FRMD6: variants seen among roughly 807,000 people sequenced by gnomAD.
FRMD6 encodes the protein FERM domain containing 6, also known as FERM domain-containing protein 6.
FRMD6 carries 37 observed loss-of-function variants against 73.2 expected under a neutral mutation model. That is an observed-to-expected ratio of 0.51 (90% confidence interval 0.39 to 0.66). FRMD6 has a LOEUF of 0.66. Ranked by LOEUF, FRMD6 falls within the 30% of genes least tolerant of loss-of-function variation. The pLI is 0.00. For synonymous variants in FRMD6, 273 were observed against 282.2 expected (o/e 0.97, Z 0.33); for missense variants, 714 against 780.5 (o/e 0.91, Z 1.02).
the FRMD6 span, among the ~76,000 whole-genome samples, chr14:51,472,366 C>G: frequency 3.9e-5 from 6 of 152,032 alleles, no homozygotes; most frequent in Non-Finnish European, 8.8e-5. Flanking sequence ...TGCAGTGGTG[C>G]GATCTCAGCT....
intron 2 of FRMD6, among the ~76,000 whole-genome samples, chr14:51,606,060 G>T (rs901534353): frequency 1.3e-5 from 2 of 152,146 alleles, no homozygotes; most frequent in Non-Finnish European, 2.9e-5. Context: ...TTCTCTCCAG[G>T]GTAAGGTAAG....
At chr14:51,403,002 G>T in the FRMD6 span, among the ~76,000 whole-genome samples, 4 of 152,130 alleles carry the variant, frequency 2.6e-5, no homozygotes, top group Non-Finnish European at 5.9e-5. Flanking sequence ...ACGCAGGAAG[G>T]TTCCCAGAAT....
chr14:51,576,952 G>A (rs898647401), intron 2 of FRMD6, among the ~76,000 whole-genome samples: 10 of 152,154 alleles, frequency 6.6e-5, no homozygotes, highest in Admixed American at 4.6e-4. Flanking sequence ...AGAGGGGAGA[G>A]GATTACACAT....
At chr14:51,499,760 G>T (rs1008204524) in intron 1 of FRMD6, among the ~76,000 whole-genome samples, 4 of 152,196 alleles carry the variant, frequency 2.6e-5, no homozygotes, top group Admixed American at 2.6e-4. Flanking sequence ...CGGTCCTTGG[G>T]TGATCTGTAT....
chr14:51,553,119 A>G (rs1168457773), intron 1 of FRMD6, among the ~76,000 whole-genome samples: 2 of 152,334 alleles, frequency 1.3e-5, no homozygotes, highest in East Asian at 3.9e-4. Flanking sequence ...CCAAGGTTGA[A>G]TTATTAAAAC....
chr14:51,705,031 A>T (rs577939126), intron 6 of FRMD6, 96 bp downstream of exon 6: 91 of 1,148,862 alleles, frequency 7.9e-5, no homozygotes, highest in Non-Finnish European at 1.0e-4. Flanking sequence ...GGGAACACAG[A>T]TGTTCTGTGG....
At chr14:51,653,621 G>C (rs1407610174) in intron 1 of FRMD6, among the ~76,000 whole-genome samples, 1 of 152,184 alleles carries the variant, frequency 6.6e-6, no homozygotes, top group African/African-American at 2.4e-5. Flanking sequence ...GATGGAGAGT[G>C]GGGGAGGGGA....
At chr14:51,723,772 CAAA>C (rs71443192) in intron 12 of FRMD6, among the ~76,000 whole-genome samples, 4 of 138,662 alleles carry the variant, frequency 2.9e-5, no homozygotes, top group Admixed American at 7.1e-5. Flanking sequence ...GAGACTCTGT[CAAA>C]AAAAAAAAAA....
At chr14:51,705,474 C>T (rs1481898914) in intron 6 of FRMD6, among the ~76,000 whole-genome samples, 1 of 152,060 alleles carries the variant, frequency 6.6e-6, no homozygotes, top group Non-Finnish European at 1.5e-5. Flanking sequence ...CGTCCTTCCT[C>T]CATGTCTAGG....
intron 12 of FRMD6, among the ~76,000 whole-genome samples, chr14:51,724,781 T>C (rs1323310555): frequency 6.6e-6 from 1 of 151,960 alleles, no homozygotes; most frequent in Non-Finnish European, 1.5e-5. Context: ...GGGCTTGACC[T>C]GTAGTACACT....
At position 51,708,247 on chromosome 14, in the gene FRMD6, A is replaced by G. The variant is rs764996406; in HGVS notation, c.714+14A>G. 6.2e-7 allele frequency: 1 copy of G among 1,609,210 alleles called. No homozygotes were observed. The highest frequency in any genetic ancestry group is 8.5e-7 in the Non-Finnish European group (1 of 1,176,854). ...AGATTGTATAAGGTATGAAACGGCA[A>G]CTAAGTCTTCAGCTTCTGAGAAAAA... On this transcript the variant is annotated intron_variant, in intron 7 of 13. Transcript: ENST00000344768.
At chr14:51,482,948 C>T in the FRMD6 span, among the ~76,000 whole-genome samples, 1 of 152,046 alleles carries the variant, frequency 6.6e-6, no homozygotes, top group African/African-American at 2.4e-5. Context: ...GTGATCTACC[C>T]GCCTCAGCCT....
At chr14:51,641,214 C>T (rs1246280365) in intron 2 of FRMD6, among the ~76,000 whole-genome samples, 2 of 152,156 alleles carry the variant, frequency 1.3e-5, no homozygotes, top group African/African-American at 4.8e-5. Context: ...CTCCTGTCCT[C>T]AAGTGATCCA....
chr14:51,413,982 C>T, the FRMD6 span, among the ~76,000 whole-genome samples: 2 of 152,162 alleles, frequency 1.3e-5, no homozygotes, highest in African/African-American at 2.4e-5. Flanking sequence ...TGTTCATATC[C>T]TTTGCCCACT....
chr14:51,664,823 A>G (rs937446306), intron 1 of FRMD6, among the ~76,000 whole-genome samples: 2 of 152,102 alleles, frequency 1.3e-5, no homozygotes, highest in African/African-American at 4.8e-5. Context: ...TGAAACTTGT[A>G]AGTTACTCTA....
In FRMD6 at chr14:51,492,935, A is replaced by G. The variant is rs76576468; in HGVS notation, c.-210+3515A>G. ...ATGCTGCGTCCACCATGGCGCCTGG[A>G]TTACAAACTCCTTCCCAGTGGACAG... On this transcript the variant is annotated intron_variant, in intron 1 of 14. Transcript: ENST00000356218. 1.4e-3 allele frequency among the ~76,000 whole-genome samples: 211 copies of G among 152,294 alleles called. 1 individual carries two copies. The highest frequency in any genetic ancestry group is 0.012 in the East Asian group (64 of 5,184).
chr14:51,504,801 C>T (rs1016769790), intron 1 of FRMD6, among the ~76,000 whole-genome samples: 1 of 152,200 alleles, frequency 6.6e-6, no homozygotes, highest in Non-Finnish European at 1.5e-5. Context: ...GAAGGCATCA[C>T]ACTCACCCAA....
At chr14:51,401,459 C>G in the FRMD6 span, among the ~76,000 whole-genome samples, 1 of 152,138 alleles carries the variant, frequency 6.6e-6, no homozygotes, top group African/African-American at 2.4e-5. Context: ...TTTGTTGTAG[C>G]AACAAGTTCC....
At chr14:51,705,900 C>T (rs1430109427) in intron 6 of FRMD6, among the ~76,000 whole-genome samples, 5 of 152,164 alleles carry the variant, frequency 3.3e-5, no homozygotes, top group Non-Finnish European at 7.4e-5. Flanking sequence ...GTACCTGACA[C>T]TTAACTACTC....
Sources: allele counts gnomAD v4.1 joint callset (sites outside exome capture counted in the v4.1 genomes callset), GRCh38; gene constraint gnomAD v4.1.1; transcripts MANE v1.5; gene names NCBI Gene and HGNC (gene_info 2026-07-23, HGNC 2026-07-21).